The following BRSK2 variants were observed in gnomAD, a reference collection of about 807,000 sequenced individuals.
BRSK2 encodes serine/threonine-protein kinase BRSK2.
BRSK2 carries 19 observed loss-of-function variants against 83.3 expected under a neutral mutation model. That is an observed-to-expected ratio of 0.23 (90% CI 0.16 to 0.33). The LOEUF is 0.33. Ranked by LOEUF, BRSK2 falls within the 10% of genes least tolerant of loss-of-function variation. The probability of loss-of-function intolerance (pLI) is 1.00; values close to 1 mark genes in which losing one functional copy is unlikely to be tolerated. For missense variants in BRSK2, 798 were observed against 1,042.3 expected, an observed-to-expected ratio of 0.77 and a Z score of 3.23; for synonymous variants, 519 against 435.4, an observed-to-expected ratio of 1.19 and a Z score of -2.39.
chr11:1,425,177 C>T (rs956057722), intron 1 of BRSK2, among the ~76,000 whole-genome samples: 2 of 152,224 alleles, frequency 1.3e-5, no homozygotes, highest in African/African-American at 4.8e-5. Context: ...CTTGGAGTCT[C>T]AGCTCCCCGG....
At chr11:1,413,236 G>A (rs574557751) in intron 1 of BRSK2, among the ~76,000 whole-genome samples, 5 of 152,162 alleles carry the variant, frequency 3.3e-5, no homozygotes, top group South Asian at 2.1e-4. Context: ...ACGGCCCCTC[G>A]GGACACCCCC....
chr11:1,437,977 T>C (rs1850557498), intron 2 of BRSK2, among the ~76,000 whole-genome samples: 1 of 152,012 alleles, frequency 6.6e-6, no homozygotes, highest in South Asian at 2.1e-4. Flanking sequence ...GCCCCTGCCC[T>C]CTGCCCTCTC....
chr11:1,399,342 G>T (rs974283259), intron 1 of BRSK2, among the ~76,000 whole-genome samples: 1 of 152,190 alleles, frequency 6.6e-6, no homozygotes, highest in Non-Finnish European at 1.5e-5. Flanking sequence ...CTGAGCCCAG[G>T]GCCTGGCCCT....
In BRSK2 at chr11:1,425,605, G is replaced by A. The variant is rs368462691; in HGVS notation, c.92-10435G>A. 3.1e-3 allele frequency among the ~76,000 whole-genome samples: 475 copies of A among 152,272 alleles called. 4 individuals are homozygous for A. Among genetic ancestry groups the A allele is most frequent in the African/African-American group, 0.011 (453 of 41,534 alleles). ...CCGTGCAGCCTGGGCCAGGGGCCAC[G>A]GGAGGCTCTTCACCTACAGGGGACG... is the stretch of plus-strand genomic sequence containing the variant. On this transcript the variant is annotated intron_variant, in intron 1 of 19. Transcript: ENST00000528841.
intron 1 of BRSK2, among the ~76,000 whole-genome samples, chr11:1,397,703 C>T (rs976515454): frequency 3.3e-5 from 5 of 152,206 alleles, no homozygotes; most frequent in African/African-American, 4.8e-5. Context: ...TTGGGTGCCA[C>T]GTCCTTGGGC....
rs551068975 is a variant in BRSK2, at chr11:1,392,866, C to T, written c.91+2491C>T. On this transcript the variant is annotated intron_variant, in intron 1 of 19. Coordinates refer to ENST00000528841, the MANE Select transcript of BRSK2 (RefSeq NM_001256627.2). ...AGGGTCGTCCTTCTGCATGGGGCGT[C>T]CTCTGCACAGCTCCCCTCGGTGGCT... Among the ~76,000 whole-genome samples the T allele has an allele frequency of 1.8e-3, 269 of 152,252 alleles. 1 individual carries two copies. The highest frequency in any genetic ancestry group is 8.5e-3 in the South Asian group (41 of 4,820).
At chr11:1,460,453 C>CTTCTT in intron 19 of BRSK2, 47 bp from the exon 20 acceptor site, 3 of 1,143,924 alleles carry the variant, frequency 2.6e-6, no homozygotes, top group Non-Finnish European at 3.3e-6. Flanking sequence ...CCTTTTTTTT[C>CTTCTT]TTTTTTCCTT....
chr11:1,450,601 C>T lies in BRSK2; in HGVS notation c.1302C>T (p.Pro434=), dbSNP rs200437668. The T allele has an allele frequency of 6.2e-4, 977 of 1,584,384 alleles. No individual in the cohort carries two copies. Among genetic ancestry groups the T allele is most frequent in the Non-Finnish European group, 6.1e-4 (709 of 1,167,312 alleles). ...PLSSPRVTPH[P]SPRGSPLPTP... Reference sequence around the variant, plus strand: ...CCACCATACAGGTGACCCCTCACCCCTCACCAAGGGGCAGTCCCCTCCCCA... The same window carrying T: ...CCACCATACAGGTGACCCCTCACCCTTCACCAAGGGGCAGTCCCCTCCCCA... The change falls in exon 14 of 20, where the codon CCC becomes CCT. Residue 434 remains proline, a synonymous_variant. Transcript: ENST00000528841.
At chr11:1,426,528 C>T (rs1017811899) in intron 1 of BRSK2, among the ~76,000 whole-genome samples, 4 of 152,144 alleles carry the variant, frequency 2.6e-5, no homozygotes, top group African/African-American at 4.8e-5. Context: ...GGTCTGTCCC[C>T]GCAAATGTAG....
rs1848843483 is a variant in BRSK2 at position 1,423,569 on chromosome 11, C to T, written c.92-12471C>T. Among the ~76,000 whole-genome samples, 1 of 152,136 alleles carries T rather than the reference C, an allele frequency of 6.6e-6. No homozygotes were observed. The highest frequency in any genetic ancestry group is 1.5e-5 in the Non-Finnish European group (1 of 68,012). ...CCCTGGGGCTCCTCAGACCCGGTCA[C>T]CGAACAGCAGAGACGTGCTCTTTCA... On this transcript the variant is annotated intron_variant, in intron 1 of 19. Transcript: ENST00000528841. The surrounding 1 kb of genome is among the most constrained non-coding windows in gnomAD (Gnocchi z 6.5).
intron 1 of BRSK2, chr11:1,411,460 G>A: frequency 6.8e-7 from 1 of 1,472,418 alleles, no homozygotes; most frequent in Non-Finnish European, 8.9e-7. Flanking sequence ...CCCTGCATCT[G>A]TCCTTCCTCC....
intron 12 of BRSK2, among the ~76,000 whole-genome samples, chr11:1,446,427 G>T (rs959747218): frequency 1.1e-4 from 16 of 151,566 alleles, no homozygotes; most frequent in Non-Finnish European, 2.9e-5. Context: ...GCCAGGCTGG[G>T]CAGGGCTGAG....
intron 1 of BRSK2, among the ~76,000 whole-genome samples, chr11:1,399,037 G>A (rs1846300920): frequency 6.6e-6 from 1 of 152,188 alleles, no homozygotes. Context: ...TTGCAGGGGG[G>A]CTGCGGAATG....
At chr11:1,446,641 C>T (rs1590621757) in intron 12 of BRSK2, among the ~76,000 whole-genome samples, 1 of 151,338 alleles carries the variant, frequency 6.6e-6, no homozygotes, top group Admixed American at 6.6e-5. Context: ...AGGAAGGGCA[C>T]CCAGCCCCTC....
intron 1 of BRSK2, among the ~76,000 whole-genome samples, chr11:1,401,121 C>T (rs896349527): frequency 1.1e-4 from 17 of 152,116 alleles, no homozygotes; most frequent in Admixed American, 3.3e-4. Flanking sequence ...AGGGTGGAGC[C>T]GGTCACAGAG....
At chr11:1,400,610 A>G (rs1846411466) in intron 1 of BRSK2, among the ~76,000 whole-genome samples, 1 of 151,914 alleles carries the variant, frequency 6.6e-6, no homozygotes, top group Non-Finnish European at 1.5e-5. Context: ...GCCTGGGGAC[A>G]CACATGCTGG....
intron 14 of BRSK2, 95 bp from the exon 15 acceptor site, chr11:1,451,276 C>T: frequency 1.4e-6 from 2 of 1,427,304 alleles, no homozygotes. Flanking sequence ...TGTGGGTGGA[C>T]TCCTGATGAC....
At position 1,438,241 on chromosome 11, in the gene BRSK2, G is replaced by A; in HGVS notation, c.187-65G>A. ...CCCCACAGCTGGCACCAAAGGCAGT[G>A]TCTGTGGGGAGCGATGCGTGCCCCA... On this transcript the variant is annotated intron_variant, in intron 2 of 19. Coordinates refer to ENST00000528841, the MANE Select transcript of BRSK2 (RefSeq NM_001256627.2). This position sits in a 1 kb window ranked among gnomAD's most constrained non-coding sequence, Gnocchi z 6.4. The A allele has an allele frequency of 6.7e-7, 1 of 1,501,218 alleles. No individual in the cohort carries two copies. The highest frequency in any genetic ancestry group is 1.1e-5 in the South Asian group (1 of 87,928). 93.0% of individuals were successfully genotyped at this position (1,501,218 alleles called of 1,614,324 possible). A position where few individuals can be genotyped will look rare whatever the true frequency, so the allele number is the denominator to read the frequency against.
intron 1 of BRSK2, among the ~76,000 whole-genome samples, chr11:1,395,117 C>A (rs955937128): frequency 1.3e-5 from 2 of 152,190 alleles, no homozygotes; most frequent in Admixed American, 6.5e-5. Flanking sequence ...GCTGCGAGAC[C>A]CCAGGAATTC....
Sources: allele counts gnomAD v4.1 joint callset (sites outside exome capture counted in the v4.1 genomes callset), GRCh38; gene constraint gnomAD v4.1.1; non-coding constraint Gnocchi (gnomAD v3.1); transcripts MANE v1.5; gene names NCBI Gene and HGNC (gene_info 2026-07-23, HGNC 2026-07-21).